Variants in SLC9A2 observed in about 807,000 individuals in gnomAD.
The protein encoded by SLC9A2 is solute carrier family 9 member A2.
SLC9A2 carries 42 observed loss-of-function variants against 71.7 expected under a neutral mutation model. The ratio of observed to expected loss-of-function variants is 0.59; its 90% CI spans 0.46 to 0.76. The LOEUF (loss-of-function observed/expected upper bound fraction) is 0.76, where lower values mean the gene tolerates loss of function less well. SLC9A2 is among the 30% of genes least tolerant of loss of function. SLC9A2 has a pLI of 0.00. For synonymous variants in SLC9A2, 396 were observed against 392.5 expected (o/e 1.01, Z -0.10); for missense variants, 829 against 1,017.4 (o/e 0.81, Z 2.52).
chr2:102,642,111 T>G (rs1464499376), intron 1 of SLC9A2, among the ~76,000 whole-genome samples: 1 of 152,072 alleles, frequency 6.6e-6, no homozygotes, highest in Non-Finnish European at 1.5e-5. Context: ...AGCAGTAACA[T>G]AAGTTATTTA....
chr2:102,653,510 C>T (rs1251480704), intron 1 of SLC9A2, among the ~76,000 whole-genome samples: 2 of 152,184 alleles, frequency 1.3e-5, no homozygotes, highest in East Asian at 3.9e-4. Context: ...TTGGTTGTTT[C>T]TGCTTGCCCG....
chr2:102,683,218 G>T (rs922100522), intron 3 of SLC9A2, 43 bp from the exon 4 acceptor site: 1 of 1,408,684 alleles, frequency 7.1e-7, no homozygotes, highest in Admixed American at 1.7e-5. Flanking sequence ...TTCTGATTAA[G>T]ATCATTGTTA....
intron 1 of SLC9A2, among the ~76,000 whole-genome samples, chr2:102,628,763 G>C (rs182171207): frequency 2.0e-5 from 3 of 152,008 alleles, no homozygotes; most frequent in Admixed American, 6.6e-5. Flanking sequence ...TGCCTTGGCC[G>C]CTCTCAAACT....
intron 9 of SLC9A2, 32 bp from the exon 10 acceptor site, chr2:102,704,512 T>C (rs779078281): frequency 1.4e-5 from 23 of 1,599,998 alleles, no homozygotes; most frequent in Middle Eastern, 1.7e-4. Flanking sequence ...TTGTTTTTGT[T>C]TTTTAATGTC....
intron 3 of SLC9A2, among the ~76,000 whole-genome samples, chr2:102,681,919 T>C (rs1244482737): frequency 1.3e-5 from 2 of 152,224 alleles, no homozygotes; most frequent in Non-Finnish European, 2.9e-5. Context: ...TAGAGGATGC[T>C]TAGGTTTGCA....
Position 102,657,763 on chromosome 2 carries a change from T to A in SLC9A2, c.489T>A (p.Phe163Leu). 6.2e-7 allele frequency: 1 copy of A among 1,614,232 alleles called. No individual in the cohort carries two copies. The highest frequency in any genetic ancestry group is 8.5e-7 in the Non-Finnish European group (1 of 1,180,036). The change falls in exon 2 of 12, where the codon TTT (phenylalanine) becomes TTA (leucine). Residue 163 changes from phenylalanine (F) to leucine (L), a missense_variant. Phe to Leu is a conservative substitution (Grantham distance 22). Transcript: ENST00000233969. ...ATTTCATGCCCACTCGCCCATTCTT[T>A]GAGAACATTGGCACGATTTTCTGGT... ...AGYFMPTRPF[F>L]ENIGTIFWYA...
intron 11 of SLC9A2, among the ~76,000 whole-genome samples, chr2:102,707,384 T>C (rs1315607393): frequency 4.9e-5 from 7 of 141,520 alleles, no homozygotes; most frequent in African/African-American, 1.9e-4. Flanking sequence ...GAGTGTGAGG[T>C]GAGAATAATA....
At position 102,639,532 on chromosome 2, in the gene SLC9A2, C is replaced by T. The variant is rs1676532869; in HGVS notation, c.290-18032C>T. Among the ~76,000 whole-genome samples the T allele has an allele frequency of 4.6e-5, 7 of 152,334 alleles. No homozygotes were observed. The South Asian group carries it at 1.5e-3, about 32-fold the overall frequency. On this transcript the variant is annotated intron_variant, in intron 1 of 11. Transcript: ENST00000233969. ...CAGAGATCCATTTAGCAGCATTATC[C>T]TTTCTCCGAGTTGGTTTAGCAGTGC... is the stretch of plus-strand genomic sequence containing the variant.
At chr2:102,680,303 T>C (rs7593292) in intron 3 of SLC9A2, among the ~76,000 whole-genome samples, 3,415 of 152,224 alleles carry the variant, frequency 0.022, 132 homozygotes, top group African/African-American at 0.076. Flanking sequence ...CCCTTGATAC[T>C]TTGTATTGGA....
At chr2:102,622,408 T>C (rs976678331) in intron 1 of SLC9A2, among the ~76,000 whole-genome samples, 4 of 152,244 alleles carry the variant, frequency 2.6e-5, no homozygotes, top group Admixed American at 1.3e-4. Flanking sequence ...TGTTGCCATT[T>C]CTATTCCAAC....
chr2:102,645,160 G>T (rs899118115), intron 1 of SLC9A2, among the ~76,000 whole-genome samples: 4 of 152,196 alleles, frequency 2.6e-5, no homozygotes, highest in Admixed American at 6.5e-5. Context: ...GGCAAACAGG[G>T]TCTGGAGTGG....
intron 2 of SLC9A2, among the ~76,000 whole-genome samples, chr2:102,662,462 C>A (rs1373317792): frequency 1.3e-5 from 2 of 152,126 alleles, no homozygotes; most frequent in Non-Finnish European, 2.9e-5. Flanking sequence ...ACATGGGGCA[C>A]TCACTCAAAA....
chr2:102,683,552 C>T, intron 4 of SLC9A2, 74 bp downstream of exon 4: 1 of 1,153,294 alleles, frequency 8.7e-7, no homozygotes. Context: ...TTTGTCATTC[C>T]CTTTCTGCTG....
At chr2:102,680,451 C>G (rs1249496440) in intron 3 of SLC9A2, among the ~76,000 whole-genome samples, 1 of 152,128 alleles carries the variant, frequency 6.6e-6, no homozygotes, top group Non-Finnish European at 1.5e-5. Flanking sequence ...CTTACTGAGA[C>G]AGATGCCACT....
Position 102,704,634 on chromosome 2 carries a change from G to A in SLC9A2, c.1936G>A (p.Glu646Lys). Residue 646 changes from glutamate to lysine, a missense_variant, in exon 10 of 12, where the codon GAA (glutamate) becomes AAA (lysine). This residue lies in a region of SLC9A2 where 500 missense variants were observed against 726.3 expected (regional missense o/e 0.69). Coordinates refer to ENST00000233969, the MANE Select transcript of SLC9A2 (RefSeq NM_003048.6). ...ILIRRRHSLR[E>K]SIRKDSSLNR... is the part of the protein sequence containing the mutation. ...GATTCGCCGGCGACACAGTTTGCGAGAAAGCATTAGGAAGGACAGCAGCTT... is the reference window on the plus strand; with the variant it reads ...GATTCGCCGGCGACACAGTTTGCGAAAAAGCATTAGGAAGGACAGCAGCTT... The A allele has an allele frequency of 6.2e-7, 1 of 1,613,550 alleles. No homozygotes were observed. The highest frequency in any genetic ancestry group is 1.1e-5 in the South Asian group (1 of 91,066).
At chr2:102,633,874 G>A (rs1003844519) in intron 1 of SLC9A2, among the ~76,000 whole-genome samples, 2 of 152,174 alleles carry the variant, frequency 1.3e-5, no homozygotes, top group Non-Finnish European at 2.9e-5. Flanking sequence ...CAGATTTACA[G>A]GAGAAAAGAT....
intron 7 of SLC9A2, among the ~76,000 whole-genome samples, chr2:102,699,340 C>A (rs1677828071): frequency 6.6e-6 from 1 of 152,144 alleles, no homozygotes; most frequent in African/African-American, 2.4e-5. Context: ...AGTGACGCTG[C>A]AGCTAAGGAA....
At chr2:102,686,608 A>G (rs1677551501) in intron 5 of SLC9A2, 1 of 152,276 alleles carries the variant, frequency 6.6e-6, no homozygotes, top group African/African-American at 2.4e-5. Context: ...CTTGGGAAGT[A>G]GTGGCAGAGC....
intron 4 of SLC9A2, 147 bp from the exon 5 acceptor site, chr2:102,683,987 C>T: frequency 1.6e-6 from 1 of 636,950 alleles, no homozygotes; most frequent in South Asian, 2.0e-5. Context: ...CCTGGTATTA[C>T]TAGCAAGACA....
Sources: allele counts gnomAD v4.1 joint callset (sites outside exome capture counted in the v4.1 genomes callset), GRCh38; gene constraint gnomAD v4.1.1; regional missense constraint gnomAD v4.1.1; transcripts MANE v1.5; gene names NCBI Gene and HGNC (gene_info 2026-07-23, HGNC 2026-07-21).